The following SEMA5B variants were observed in gnomAD, a reference collection of about 807,000 sequenced individuals.
The protein encoded by SEMA5B is semaphorin-5B.
SEMA5B carries 66 observed loss-of-function variants against 135.0 expected under a neutral mutation model. That is an observed-to-expected ratio of 0.49 (90% CI 0.40 to 0.60). The LOEUF (loss-of-function observed/expected upper bound fraction) is 0.60, where lower values mean the gene tolerates loss of function less well. Ranked by LOEUF, SEMA5B falls within the 20% of genes least tolerant of loss-of-function variation. The pLI, the probability that SEMA5B is intolerant of heterozygous loss-of-function variation, is 0.00. For missense variants in SEMA5B, 1,501 were observed against 1,566.3 expected (o/e 0.96, Z 0.70); for synonymous variants, 690 against 639.5 (o/e 1.08, Z -1.19).
At chr3:122,958,586 A>G (rs1940439213) in intron 2 of SEMA5B, among the ~76,000 whole-genome samples, 1 of 152,146 alleles carries the variant, frequency 6.6e-6, no homozygotes, top group Admixed American at 6.5e-5. Flanking sequence ...CAAAGATAAG[A>G]TTGAGATGCA....
At chr3:122,915,952 G>A (rs1938055369) in intron 12 of SEMA5B, 62 bp from the exon 13 acceptor site, 1 of 1,110,054 alleles carries the variant, frequency 9.0e-7, no homozygotes. Flanking sequence ...TGCATCTCAG[G>A]AACACACGTG....
At chr3:123,017,608 C>A (rs1576412015) in intron 1 of SEMA5B, among the ~76,000 whole-genome samples, 1 of 152,156 alleles carries the variant, frequency 6.6e-6, no homozygotes, top group East Asian at 1.9e-4. Context: ...ACCTGCAGGG[C>A]TTTTAACAGC....
intron 1 of SEMA5B, among the ~76,000 whole-genome samples, chr3:123,016,555 G>A (rs1431703348): frequency 6.6e-6 from 1 of 152,176 alleles, no homozygotes; most frequent in African/African-American, 2.4e-5. Context: ...GTTTAGCATA[G>A]ATACATTTAA....
At chr3:123,021,258 C>T (rs1375090402) in intron 1 of SEMA5B, among the ~76,000 whole-genome samples, 1 of 152,208 alleles carries the variant, frequency 6.6e-6, no homozygotes, top group Non-Finnish European at 1.5e-5. Flanking sequence ...CAGAAATACA[C>T]ACCAACCAAC....
At chr3:122,980,158 G>T (rs1560403190) in intron 1 of SEMA5B, among the ~76,000 whole-genome samples, 1 of 152,160 alleles carries the variant, frequency 6.6e-6, no homozygotes, top group African/African-American at 2.4e-5. Flanking sequence ...TTCTGGTGTG[G>T]ATCTAAAGGA....
At chr3:122,972,155 A>C (rs1472696287) in intron 1 of SEMA5B, among the ~76,000 whole-genome samples, 2 of 152,104 alleles carry the variant, frequency 1.3e-5, no homozygotes, top group African/African-American at 4.8e-5. Context: ...CTGCAACTTA[A>C]ACCCTCTTAC....
At chr3:122,924,464 G>C (rs528283811) in intron 9 of SEMA5B, among the ~76,000 whole-genome samples, 107 of 152,300 alleles carry the variant, frequency 7.0e-4, no homozygotes, top group South Asian at 1.9e-3. Context: ...CCTGCAGCCT[G>C]TCTAGTATCC....
At chr3:122,950,122 G>T (rs1037800787) in intron 2 of SEMA5B, among the ~76,000 whole-genome samples, 1 of 152,154 alleles carries the variant, frequency 6.6e-6, no homozygotes, top group African/African-American at 2.4e-5. Context: ...CAATCCAGTA[G>T]AAAAATAGGC....
intron 1 of SEMA5B, among the ~76,000 whole-genome samples, chr3:123,007,636 T>A (rs1399476335): frequency 6.6e-6 from 1 of 152,168 alleles, no homozygotes; most frequent in Non-Finnish European, 1.5e-5. Context: ...AGGAAAAGAC[T>A]TAAGTGAGCA....
At position 122,912,853 on chromosome 3, in the gene SEMA5B, C is replaced by A; in HGVS notation, c.2715G>T (p.Gln905His). ...TCCGTGCAGGGTTACCTGGGCAAGC[C>A]TGGGGGTTGCAGTCCTGGTACTCGG... ...DAAEYQDCNP[Q>H]ACPVRGAWSC... The change falls in exon 18 of 23, where the codon CAG becomes CAT. Residue 905 changes from glutamine (Q) to histidine (H), a missense_variant. Physicochemically the swap from Gln to His is conservative, Grantham distance 24. This residue lies in a region of SEMA5B where 927 missense variants were observed against 881.6 expected (regional missense o/e 1.05). Coordinates refer to ENST00000357599, the MANE Select transcript of SEMA5B (RefSeq NM_001031702.4). The A allele has an allele frequency of 6.3e-7, 1 of 1,585,142 alleles. No individual in the cohort carries two copies. The highest frequency in any genetic ancestry group is 8.6e-7 in the Non-Finnish European group (1 of 1,164,078).
At chr3:123,020,397 A>T (rs1942650118) in intron 1 of SEMA5B, among the ~76,000 whole-genome samples, 1 of 152,270 alleles carries the variant, frequency 6.6e-6, no homozygotes. Flanking sequence ...TTGAATTAAT[A>T]TTCATTACTT....
intron 12 of SEMA5B, among the ~76,000 whole-genome samples, chr3:122,916,857 T>A (rs898212558): frequency 1.3e-5 from 2 of 152,188 alleles, no homozygotes; most frequent in Non-Finnish European, 2.9e-5. Flanking sequence ...TCTCGGTTCC[T>A]CAACCCTGAG....
upstream of SEMA5B, among the ~76,000 whole-genome samples, chr3:123,028,103 C>A (rs1942850307): frequency 6.6e-6 from 1 of 152,178 alleles, no homozygotes; most frequent in Non-Finnish European, 1.5e-5. Context: ...TCGGTCACCC[C>A]ATCTCGAATG....
intron 1 of SEMA5B, among the ~76,000 whole-genome samples, chr3:122,972,457 C>T (rs1941160761): frequency 6.6e-6 from 1 of 152,146 alleles, no homozygotes. Flanking sequence ...CAAAACTCAG[C>T]CTGGATCAGT....
chr3:122,942,008 G>T (rs1215191080), intron 4 of SEMA5B, among the ~76,000 whole-genome samples: 1 of 152,194 alleles, frequency 6.6e-6, no homozygotes, highest in Non-Finnish European at 1.5e-5. Context: ...GCACAGTCAG[G>T]AACCTCACCA....
upstream of SEMA5B, chr3:123,027,824 G>A (rs1009887226): frequency 6.6e-6 from 1 of 152,490 alleles, no homozygotes; most frequent in Non-Finnish European, 1.5e-5. Flanking sequence ...CAAGCAAAGG[G>A]AGAGAAGGAG....
chr3:122,981,604 G>A (rs754848262), intron 1 of SEMA5B, among the ~76,000 whole-genome samples: 167 of 152,210 alleles, frequency 1.1e-3, no homozygotes, highest in Non-Finnish European at 1.7e-3. Context: ...GCACACCGAG[G>A]ACAAAGCAGC....
At chr3:123,006,866 A>C (rs1942327844) in intron 1 of SEMA5B, among the ~76,000 whole-genome samples, 1 of 152,152 alleles carries the variant, frequency 6.6e-6, no homozygotes, top group Non-Finnish European at 1.5e-5. Flanking sequence ...AGCTGCTTAG[A>C]TGAAAAGGGC....
At chr3:122,924,951 A>C (rs1457482612) in intron 9 of SEMA5B, among the ~76,000 whole-genome samples, 1 of 152,204 alleles carries the variant, frequency 6.6e-6, no homozygotes, top group East Asian at 1.9e-4. Context: ...TAAAGGCTGA[A>C]CCATGTCTGC....
Sources: gnomAD v4.1 joint callset for allele counts (sites outside exome capture counted in the v4.1 genomes callset) on GRCh38, gnomAD v4.1.1 for gene constraint, gnomAD v4.1.1 regional missense constraint, MANE v1.5 for transcripts, NCBI Gene and HGNC (gene_info 2026-07-23, HGNC 2026-07-21) for gene names.